The following MAMDC2 variants were observed in gnomAD, a reference collection of about 807,000 sequenced individuals.
MAMDC2 encodes MAM domain containing 2.
In MAMDC2, 57 loss-of-function variants were observed where a neutral mutation model predicts 89.8. The ratio of observed to expected loss-of-function variants is 0.63; its 90% CI spans 0.51 to 0.79. The LOEUF is 0.79. Ranked by LOEUF, MAMDC2 falls within the 30% of genes least tolerant of loss-of-function variation. The probability of loss-of-function intolerance (pLI) is 0.00; values close to 1 mark genes in which losing one functional copy is unlikely to be tolerated. For synonymous variants in MAMDC2, 313 were observed against 293.4 expected (o/e 1.07, Z -0.68); for missense variants, 800 against 820.6 (o/e 0.97, Z 0.31).
At chr9:70,219,514 A>G (rs1378431244) in intron 12 of MAMDC2, among the ~76,000 whole-genome samples, 1 of 152,180 alleles carries the variant, frequency 6.6e-6, no homozygotes, top group Non-Finnish European at 1.5e-5. Flanking sequence ...GGGATATCCA[A>G]ATTAAGGGTT....
At position 70,180,139 on chromosome 9, in the gene MAMDC2, C is replaced by T. The variant is rs1329026408; in HGVS notation, c.1651+9508C>T. 2.0e-5 allele frequency among the ~76,000 whole-genome samples: 3 copies of T among 151,630 alleles called. No individual in the cohort carries two copies. In the Admixed American group the frequency reaches 2.0e-4, roughly 10 times the overall value. On this transcript the variant is annotated intron_variant, in intron 11 of 13. Transcript: ENST00000377182. ...TTTGGTTTTCTGTTCCTGTGTTAGT[C>T]TGCTGAGAATGATGCTTTCCAGCTT...
At chr9:70,161,832 A>C (rs2031984511) in intron 9 of MAMDC2, among the ~76,000 whole-genome samples, 1 of 152,228 alleles carries the variant, frequency 6.6e-6, no homozygotes, top group Non-Finnish European at 1.5e-5. Context: ...TTTGTGAATA[A>C]TTATGCCACC....
intron 11 of MAMDC2, among the ~76,000 whole-genome samples, chr9:70,212,185 G>A (rs546082280): frequency 6.6e-6 from 1 of 152,374 alleles, no homozygotes; most frequent in African/African-American, 2.4e-5. Flanking sequence ...GTCTGCAGAA[G>A]TTTCTGCTGC....
intron 11 of MAMDC2, among the ~76,000 whole-genome samples, chr9:70,178,852 G>T (rs2118565621): frequency 6.6e-6 from 1 of 152,268 alleles, no homozygotes. Context: ...AAGAATGGTA[G>T]GGAGGAAGGA....
intron 10 of MAMDC2, 126 bp from the exon 11 acceptor site, chr9:70,170,353 G>A: frequency 9.1e-7 from 1 of 1,101,824 alleles, no homozygotes; most frequent in African/African-American, 1.6e-5. Flanking sequence ...TGGGCCACCA[G>A]TGGGGGCTGC....
intron 2 of MAMDC2, chr9:70,086,559 C>T (rs920403045): frequency 6.6e-6 from 1 of 152,138 alleles, no homozygotes. Context: ...TATTTGGAAT[C>T]ATCCACATTC....
chr9:70,203,502 T>C (rs940897155), intron 11 of MAMDC2, among the ~76,000 whole-genome samples: 1 of 139,800 alleles, frequency 7.2e-6, no homozygotes, highest in African/African-American at 2.6e-5. Context: ...TTTCCTCCAT[T>C]TCAACTTTGG....
At chr9:70,044,443 G>A in intron 1 of MAMDC2, 141 bp from the exon 2 acceptor site, 1 of 801,412 alleles carries the variant, frequency 1.2e-6, no homozygotes, top group South Asian at 1.7e-5. Context: ...GGGGATGCTG[G>A]GGGACAGGTA....
intron 2 of MAMDC2, among the ~76,000 whole-genome samples, chr9:70,076,771 A>G (rs1827543213): frequency 6.6e-6 from 1 of 152,150 alleles, no homozygotes; most frequent in South Asian, 2.1e-4. Flanking sequence ...GAGAATGCTT[A>G]TACTCTTGAG....
chr9:70,185,353 C>G (rs7042675), intron 11 of MAMDC2, among the ~76,000 whole-genome samples: 1 of 152,162 alleles, frequency 6.6e-6, no homozygotes, highest in South Asian at 2.1e-4. Context: ...TCAGGAGGCA[C>G]GGGAGTCAGG....
intron 2 of MAMDC2, among the ~76,000 whole-genome samples, chr9:70,068,049 G>A (rs938558054): frequency 2.6e-5 from 4 of 152,200 alleles, no homozygotes; most frequent in Non-Finnish European, 5.9e-5. Flanking sequence ...ACTCGTCTGA[G>A]CTGATACAAA....
At chr9:70,175,152 G>A (rs1348204565) in intron 11 of MAMDC2, among the ~76,000 whole-genome samples, 1 of 152,216 alleles carries the variant, frequency 6.6e-6, no homozygotes, top group Non-Finnish European at 1.5e-5. Flanking sequence ...GACTAGGCGT[G>A]CAAATGAAGC....
At chr9:70,048,699 C>T (rs1826817758) in intron 2 of MAMDC2, among the ~76,000 whole-genome samples, 1 of 152,230 alleles carries the variant, frequency 6.6e-6, no homozygotes, top group Admixed American at 6.5e-5. Context: ...CCCCTTTGAG[C>T]AGCAGTCCTC....
chr9:70,205,323 ACTC>A (rs1178307006), intron 11 of MAMDC2, among the ~76,000 whole-genome samples: 1 of 152,188 alleles, frequency 6.6e-6, no homozygotes, highest in Non-Finnish European at 1.5e-5. Flanking sequence ...TTAAACAATA[ACTC>A]CTCATTTATG....
intron 2 of MAMDC2, chr9:70,086,080 A>G (rs1416789815): frequency 6.6e-6 from 1 of 152,118 alleles, no homozygotes; most frequent in Non-Finnish European, 1.5e-5. Context: ...TAAAGAAAAG[A>G]AAATTGTTTT....
At chr9:70,051,178 G>A (rs543911642) in intron 2 of MAMDC2, among the ~76,000 whole-genome samples, 2 of 152,220 alleles carry the variant, frequency 1.3e-5, no homozygotes, top group African/African-American at 2.4e-5. Context: ...TAACCCAACT[G>A]GGGTGGTAAT....
At chr9:70,210,765 G>T (rs1007165766) in intron 11 of MAMDC2, among the ~76,000 whole-genome samples, 2 of 150,596 alleles carry the variant, frequency 1.3e-5, no homozygotes, top group Admixed American at 6.7e-5. Context: ...GCAGTGGCTG[G>T]TACCGGTTGT....
At chr9:70,186,283 T>TTTC (rs2032753132) in intron 11 of MAMDC2, among the ~76,000 whole-genome samples, 1 of 152,172 alleles carries the variant, frequency 6.6e-6, no homozygotes, top group Admixed American at 6.5e-5. Flanking sequence ...CTAGAATAAT[T>TTTC]TTCTTCTGTA....
chr9:70,103,960 C>T (rs1409980550), intron 2 of MAMDC2, among the ~76,000 whole-genome samples: 2 of 148,782 alleles, frequency 1.3e-5, no homozygotes, highest in Admixed American at 6.8e-5. Flanking sequence ...CCAGCCTGGG[C>T]GGCACAGCAA....
Sources: gnomAD v4.1 joint callset for allele counts (sites outside exome capture counted in the v4.1 genomes callset) on GRCh38, gnomAD v4.1.1 for gene constraint, MANE v1.5 for transcripts, NCBI Gene and HGNC (gene_info 2026-07-23, HGNC 2026-07-21) for gene names.